PTCH1: variants seen among roughly 807,000 people sequenced by gnomAD.
The protein encoded by PTCH1 is protein patched homolog 1.
A neutral mutation model predicts 144.6 loss-of-function variants in PTCH1; 14 were observed. The ratio of observed to expected loss-of-function variants is 0.10; its 90% confidence interval spans 0.06 to 0.15. The LOEUF is 0.15. Ranked by LOEUF, PTCH1 falls within the 10% of genes least tolerant of loss-of-function variation. PTCH1 has a pLI of 1.00. For synonymous variants in PTCH1, 833 were observed against 793.6 expected (o/e 1.05, Z -0.83); for missense variants, 1,623 against 1,948.3 (o/e 0.83, Z 3.14).
intron 22 of PTCH1, among the ~76,000 whole-genome samples, chr9:95,447,883 T>C (rs1177235396): frequency 6.6e-6 from 1 of 152,226 alleles, no homozygotes; most frequent in Admixed American, 6.5e-5. Flanking sequence ...TCAAACACAG[T>C]AGCCGCTCCA....
At chr9:95,473,023 C>T (rs1295230782) in intron 12 of PTCH1, among the ~76,000 whole-genome samples, 2 of 152,194 alleles carry the variant, frequency 1.3e-5, no homozygotes, top group Non-Finnish European at 2.9e-5. Flanking sequence ...AGAGGAGGTT[C>T]CACTTGAACC....
chr9:95,479,258 T>C, intron 7 of PTCH1, 111 bp from the exon 8 acceptor site: 1 of 1,358,314 alleles, frequency 7.4e-7, no homozygotes, highest in Admixed American at 1.7e-5. Flanking sequence ...TTCTTTTCCT[T>C]CTCTGTGAGC....
chr9:95,478,827 T>C (rs1410898663), intron 8 of PTCH1, among the ~76,000 whole-genome samples, 173 bp downstream of exon 8: 1 of 152,178 alleles, frequency 6.6e-6, no homozygotes, highest in Non-Finnish European at 1.5e-5. Context: ...CTTTTAGATA[T>C]TATCCCAGGA....
At chr9:95,496,825 T>G (rs1842826161) in intron 2 of PTCH1, among the ~76,000 whole-genome samples, 2 of 152,206 alleles carry the variant, frequency 1.3e-5, no homozygotes, top group Non-Finnish European at 2.9e-5. Context: ...TTTTGTTATT[T>G]TCTCTTAGAA....
intron 12 of PTCH1, among the ~76,000 whole-genome samples, chr9:95,475,495 C>T (rs1840948009): frequency 1.3e-5 from 2 of 152,198 alleles, no homozygotes; most frequent in African/African-American, 4.8e-5. Context: ...CGAGGCGGAC[C>T]CTGCAGGAAA....
At chr9:95,484,736 G>A (rs1841839736) in intron 3 of PTCH1, among the ~76,000 whole-genome samples, 1 of 152,162 alleles carries the variant, frequency 6.6e-6, no homozygotes, top group Non-Finnish European at 1.5e-5. Flanking sequence ...CAAACTGAAT[G>A]CCCACTCTGT....
chr9:95,509,820 C>T (rs1033115135), upstream of PTCH1, among the ~76,000 whole-genome samples: 6 of 152,104 alleles, frequency 3.9e-5, no homozygotes, highest in Admixed American at 3.3e-4. Flanking sequence ...CCAGTGTGTG[C>T]CAGATTTTTT....
At chr9:95,494,429 A>G (rs909249030) in intron 2 of PTCH1, 2 of 985,376 alleles carry the variant, frequency 2.0e-6, no homozygotes, top group Admixed American at 6.1e-5. Context: ...CTGGCAAATG[A>G]GGGCTGTGCA....
At position 95,447,279 on chromosome 9, in the gene PTCH1, G is replaced by A. The variant is rs764964224; in HGVS notation, c.3977C>T (p.Ser1326Phe). The A allele has an allele frequency of 5.6e-6, 9 of 1,613,042 alleles. No homozygotes were observed. The highest frequency in any genetic ancestry group is 1.7e-5 in the Admixed American group (1 of 60,038). ...YRPRRDAFEI[S>F]TEGHSGPSNR... ...GCTAGGGCCAGAATGCCCTTCAGTA[G>A]AAATTTCAAAAGCGTCTCTGCGCGG... Residue 1326 changes from serine to phenylalanine, a missense_variant, in exon 23 of 24, where the codon TCT (serine) becomes TTT (phenylalanine). This residue lies in a region of PTCH1 where 291 missense variants were observed against 287.4 expected (regional missense o/e 1.01). Coordinates refer to ENST00000331920, the MANE Select transcript of PTCH1 (RefSeq NM_000264.5).
chr9:95,494,133 CTCGCGCGGGGTT>C (rs1842634195), intron 2 of PTCH1: 2 of 908,862 alleles, frequency 2.2e-6, no homozygotes, highest in Admixed American at 6.2e-5. Context: ...TGCGCAGGCG[CTCGCGCGGGGTT>C]CTGCAACGCG....
At chr9:95,489,013 G>A (rs1388706015) in intron 2 of PTCH1, among the ~76,000 whole-genome samples, 2 of 152,178 alleles carry the variant, frequency 1.3e-5, no homozygotes, top group Non-Finnish European at 2.9e-5. Flanking sequence ...TTCACCATGT[G>A]AACTGGTAGA....
rs1843966051 is a variant in PTCH1 at position 95,508,773 on chromosome 9, C to T, written c.-412G>A. ...CGCCCCCCGCCCCGCGCCGCGACCC[C>T]TTCACTGCAGAAAGAGCCAGCGAAT... On this transcript the variant is annotated 5_prime_UTR_variant, in exon 1 of 24. Coordinates refer to ENST00000331920, the MANE Select transcript of PTCH1 (RefSeq NM_000264.5). 4.1e-6 allele frequency: 4 copies of T among 985,254 alleles called. No individual in the cohort carries two copies. In the South Asian group the frequency reaches 1.9e-4, roughly 46 times the overall value. 61.0% of individuals were successfully genotyped at this position (985,254 alleles called of 1,614,324 possible).
At chr9:95,472,074 G>A (rs1244129685) in intron 12 of PTCH1, among the ~76,000 whole-genome samples, 1 of 151,264 alleles carries the variant, frequency 6.6e-6, no homozygotes, top group African/African-American at 2.5e-5. Flanking sequence ...CAGGAGCAGG[G>A]GAATGGCAGG....
intron 1 of PTCH1, chr9:95,507,905 T>TACACACACACACACGCACAC: frequency 7.8e-7 from 1 of 1,286,200 alleles, no homozygotes; most frequent in South Asian, 1.5e-5. Context: ...GGCGTGTGTA[T>TACACACACACACACGCACAC]ACACACACAC....
At chr9:95,513,831 A>G (rs1844253535), upstream of PTCH1, among the ~76,000 whole-genome samples, 1 of 151,988 alleles carries the variant, frequency 6.6e-6, no homozygotes, top group Admixed American at 6.6e-5. Context: ...CCCCCTCCCC[A>G]GGCTGGAGGA....
intron 5 of PTCH1, 71 bp from the exon 6 acceptor site, chr9:95,480,659 G>A (rs576838400): frequency 1.8e-5 from 27 of 1,476,234 alleles, no homozygotes; most frequent in African/African-American, 1.1e-4. Context: ...ACACGGCTGC[G>A]CCCACTGCAT....
chr9:95,502,988 C>T (rs891287508), intron 2 of PTCH1, among the ~76,000 whole-genome samples: 1 of 152,176 alleles, frequency 6.6e-6, no homozygotes, highest in African/African-American at 2.4e-5. Flanking sequence ...TACACACACA[C>T]GCTCCTGTGA....
intron 1 of PTCH1, 133 bp from the exon 2 acceptor site, chr9:95,506,732 C>T (rs982186901): frequency 1.1e-5 from 12 of 1,081,720 alleles, no homozygotes; most frequent in Middle Eastern, 3.3e-4. Flanking sequence ...CACGGACTCG[C>T]CCTCGAGACT....
Position 95,506,690 on chromosome 9 carries a change from C to A in PTCH1, c.202-91G>T. 7 of 1,087,548 alleles carry A rather than the reference C, an allele frequency of 6.4e-6. No individual in the cohort carries two copies. The South Asian group carries it at 1.3e-4, about 20-fold the overall frequency. 67.4% of individuals were successfully genotyped at this position (1,087,548 alleles called of 1,614,324 possible). ...TGCGCGCACCCGCCCGGTGAGCCCC[C>A]AACAGCCGTGGGGGCGCGGGTGGCC... On this transcript the variant is annotated intron_variant, in intron 1 of 23. Transcript: ENST00000331920.
Sources: allele counts gnomAD v4.1 joint callset (sites outside exome capture counted in the v4.1 genomes callset), GRCh38; gene constraint gnomAD v4.1.1; regional missense constraint gnomAD v4.1.1; transcripts MANE v1.5; gene names NCBI Gene and HGNC (gene_info 2026-07-23, HGNC 2026-07-21).